The following CNTNAP5 variants were observed in gnomAD, a reference collection of about 807,000 sequenced individuals.
CNTNAP5 encodes the protein contactin-associated protein-like 5.
A neutral mutation model predicts 150.2 loss-of-function variants in CNTNAP5; 72 were observed. The ratio of observed to expected loss-of-function variants is 0.48; its 90% CI spans 0.40 to 0.58. The LOEUF (loss-of-function observed/expected upper bound fraction) is 0.58, where lower values mean the gene tolerates loss of function less well. Among genes scored for constraint, CNTNAP5 ranks in the 20% least tolerant of loss-of-function variants. The pLI is 0.00. For missense variants in CNTNAP5, 1,636 were observed against 1,626.2 expected (o/e 1.01, Z -0.10); for synonymous variants, 672 against 619.8 (o/e 1.08, Z -1.25).
At chr2:124,257,150 T>A (rs1324260514) in intron 3 of CNTNAP5, among the ~76,000 whole-genome samples, 1 of 152,186 alleles carries the variant, frequency 6.6e-6, no homozygotes, top group East Asian at 1.9e-4. Context: ...CTGTTGGAAT[T>A]ATGCTTCTGG....
At chr2:124,529,746 C>A (rs1040871539) in intron 10 of CNTNAP5, among the ~76,000 whole-genome samples, 7 of 152,122 alleles carry the variant, frequency 4.6e-5, no homozygotes, top group Non-Finnish European at 8.8e-5. Flanking sequence ...AGTGGTTTTC[C>A]TTACCTGGAC....
chr2:124,777,024 G>A (rs1681339086), intron 17 of CNTNAP5, among the ~76,000 whole-genome samples: 1 of 151,932 alleles, frequency 6.6e-6, no homozygotes, highest in Non-Finnish European at 1.5e-5. Context: ...GTTTTGGTTG[G>A]TTTAAGAAGA....
At chr2:124,366,949 C>T (rs1219309448) in intron 3 of CNTNAP5, among the ~76,000 whole-genome samples, 1 of 152,140 alleles carries the variant, frequency 6.6e-6, no homozygotes, top group Non-Finnish European at 1.5e-5. Context: ...GATAAGACAC[C>T]CCTCAGCTGA....
At chr2:124,773,380 T>C (rs1010967031) in intron 17 of CNTNAP5, among the ~76,000 whole-genome samples, 6 of 152,186 alleles carry the variant, frequency 3.9e-5, no homozygotes, top group African/African-American at 1.4e-4. Context: ...CTGTAAGTCA[T>C]GGGCTGCCCT....
intron 12 of CNTNAP5, among the ~76,000 whole-genome samples, chr2:124,647,394 T>G (rs1204850923): frequency 1.8e-5 from 2 of 109,888 alleles, no homozygotes; most frequent in African/African-American, 5.6e-5. Flanking sequence ...GCTTAGTCAC[T>G]TATTAACTGT....
chr2:124,136,895 G>A (rs1319378580), intron 1 of CNTNAP5, among the ~76,000 whole-genome samples: 1 of 152,160 alleles, frequency 6.6e-6, no homozygotes, highest in South Asian at 2.1e-4. Flanking sequence ...ATGCTCTTTT[G>A]TCATTGTATA....
intron 12 of CNTNAP5, among the ~76,000 whole-genome samples, chr2:124,644,474 TATG>T (rs1314151998): frequency 6.6e-6 from 1 of 152,084 alleles, no homozygotes; most frequent in African/African-American, 2.4e-5. Context: ...CCAAAAACAA[TATG>T]ATATTGGTAA....
chr2:124,303,501 C>T (rs1688613872), intron 3 of CNTNAP5, among the ~76,000 whole-genome samples: 1 of 152,164 alleles, frequency 6.6e-6, no homozygotes, highest in Admixed American at 6.5e-5. Flanking sequence ...CTCACAGCAA[C>T]CAAGACAGGT....
chr2:124,220,149 A>T (rs2104738467), intron 1 of CNTNAP5, among the ~76,000 whole-genome samples: 1 of 152,184 alleles, frequency 6.6e-6, no homozygotes, highest in South Asian at 2.1e-4. Flanking sequence ...GTTCTTTAAA[A>T]AAAAAAATAA....
intron 1 of CNTNAP5, among the ~76,000 whole-genome samples, chr2:124,099,610 G>A (rs1458207673): frequency 1.3e-5 from 2 of 152,238 alleles, no homozygotes; most frequent in Non-Finnish European, 2.9e-5. Flanking sequence ...TTGCCATAAA[G>A]AAATATCTGA....
At chr2:124,679,946 TCTC>T (rs1212729071) in intron 13 of CNTNAP5, among the ~76,000 whole-genome samples, 4 of 151,824 alleles carry the variant, frequency 2.6e-5, no homozygotes, top group African/African-American at 9.7e-5. Flanking sequence ...CTGTTTGTCT[TCTC>T]AAGAAGTTCG....
At chr2:124,732,844 T>G (rs1030013047) in intron 13 of CNTNAP5, among the ~76,000 whole-genome samples, 4 of 152,160 alleles carry the variant, frequency 2.6e-5, no homozygotes, top group African/African-American at 9.7e-5. Context: ...TCTCACCCTT[T>G]GTGACATGTT....
At chr2:124,588,201 T>C (rs867245578) in intron 11 of CNTNAP5, among the ~76,000 whole-genome samples, 7,145 of 139,568 alleles carry the variant, frequency 0.051, 358 homozygotes, top group Non-Finnish European at 0.076. Flanking sequence ...TCTTTCTTTC[T>C]TTCTTTCTTT....
intron 3 of CNTNAP5, among the ~76,000 whole-genome samples, chr2:124,244,423 C>T (rs998790466): frequency 3.3e-5 from 5 of 152,136 alleles, no homozygotes; most frequent in African/African-American, 1.2e-4. Context: ...AGACTTTCCC[C>T]ATTCCCTACC....
chr2:124,350,434 T>A (rs1573933502), intron 3 of CNTNAP5, among the ~76,000 whole-genome samples: 1 of 150,944 alleles, frequency 6.6e-6, no homozygotes, highest in South Asian at 2.1e-4. Context: ...TTTGTGTAAA[T>A]GCAGATGGTT....
At chr2:124,628,933 A>G (rs975288298) in intron 12 of CNTNAP5, among the ~76,000 whole-genome samples, 8 of 152,328 alleles carry the variant, frequency 5.3e-5, no homozygotes, top group African/African-American at 1.7e-4. Flanking sequence ...GACAAAATAG[A>G]CTTTAAGCCA....
At chr2:124,290,142 G>A (rs544631650) in intron 3 of CNTNAP5, among the ~76,000 whole-genome samples, 10 of 151,914 alleles carry the variant, frequency 6.6e-5, no homozygotes, top group East Asian at 3.9e-4. Flanking sequence ...CGGGTAGATC[G>A]CTGGTCTGAC....
At chr2:124,303,775 G>A (rs988718954) in intron 3 of CNTNAP5, among the ~76,000 whole-genome samples, 4 of 152,140 alleles carry the variant, frequency 2.6e-5, no homozygotes, top group Non-Finnish European at 5.9e-5. Flanking sequence ...GCTCACATCT[G>A]TAATCTCTGC....
At chr2:124,355,072 C>A (rs1165732651) in intron 3 of CNTNAP5, among the ~76,000 whole-genome samples, 4 of 150,536 alleles carry the variant, frequency 2.7e-5, no homozygotes, top group Non-Finnish European at 5.9e-5. Context: ...TTTTCTAATA[C>A]TCTATTTATA....
Sources: gnomAD v4.1 joint callset for allele counts (sites outside exome capture counted in the v4.1 genomes callset) on GRCh38, gnomAD v4.1.1 for gene constraint, MANE v1.5 for transcripts, NCBI Gene and HGNC (gene_info 2026-07-23, HGNC 2026-07-21) for gene names.